The following SEMA3A variants were observed in gnomAD, a reference collection of about 807,000 sequenced individuals.
SEMA3A encodes the protein semaphorin 3A.
A neutral mutation model predicts 97.9 loss-of-function variants in SEMA3A; 29 were observed. That is an observed-to-expected ratio of 0.30 (90% CI 0.22 to 0.40). SEMA3A has a LOEUF of 0.40. Among genes scored for constraint, SEMA3A ranks in the 10% least tolerant of loss-of-function variants. SEMA3A has a pLI of 1.00. For missense variants in SEMA3A, 763 were observed against 951.3 expected (o/e 0.80, Z 2.60); for synonymous variants, 321 against 323.7 (o/e 0.99, Z 0.09).
At chr7:84,147,727 A>G (rs900358813) in intron 1 of SEMA3A, among the ~76,000 whole-genome samples, 3 of 152,222 alleles carry the variant, frequency 2.0e-5, no homozygotes, top group African/African-American at 7.2e-5. Flanking sequence ...GCAATAGTGC[A>G]TATGGGTTAG....
intron 15 of SEMA3A, among the ~76,000 whole-genome samples, chr7:83,973,091 C>A (rs1329562109): frequency 6.6e-6 from 1 of 152,096 alleles, no homozygotes; most frequent in Non-Finnish European, 1.5e-5. Flanking sequence ...TTACTTCTGA[C>A]AGATATGTGG....
intron 1 of SEMA3A, among the ~76,000 whole-genome samples, chr7:84,385,231 C>G (rs1803368281): frequency 6.6e-6 from 1 of 152,124 alleles, no homozygotes; most frequent in Non-Finnish European, 1.5e-5. Context: ...GGGTGCTGAG[C>G]TGATGAGGAG....
At chr7:84,313,356 G>GTATATATATATATATATA (rs869145201) in intron 2 of SEMA3A, among the ~76,000 whole-genome samples, 1 of 23,062 alleles carries the variant, frequency 4.3e-5, no homozygotes, top group Non-Finnish European at 1.0e-4. Flanking sequence ...ATGTGTGTGT[G>GTATATATATATATATATA]TATATATATA....
chr7:83,982,513 T>C (rs1789456429), intron 13 of SEMA3A, among the ~76,000 whole-genome samples: 1 of 152,214 alleles, frequency 6.6e-6, no homozygotes, highest in African/African-American at 2.4e-5. Context: ...TTACTGTTAT[T>C]GGCACCATAG....
chr7:83,965,234 C>T (rs796128487), intron 15 of SEMA3A, among the ~76,000 whole-genome samples: 31 of 151,992 alleles, frequency 2.0e-4, no homozygotes, highest in African/African-American at 7.2e-4. Context: ...CCACCGCGTC[C>T]GGCCCGTTTA....
At chr7:84,487,379 A>C (rs1309225752) in intron 1 of SEMA3A, among the ~76,000 whole-genome samples, 1 of 151,990 alleles carries the variant, frequency 6.6e-6, no homozygotes, top group Non-Finnish European at 1.5e-5. Flanking sequence ...TTCTACTCAG[A>C]CTACCCAGAT....
chr7:84,395,579 G>C (rs1315705260), intron 1 of SEMA3A, among the ~76,000 whole-genome samples: 1 of 148,208 alleles, frequency 6.7e-6, no homozygotes, highest in Non-Finnish European at 1.5e-5. Flanking sequence ...ACCAGGTGGA[G>C]ATAATTGAAT....
At chr7:84,305,691 A>G (rs1173898263) in intron 3 of SEMA3A, among the ~76,000 whole-genome samples, 1 of 151,992 alleles carries the variant, frequency 6.6e-6, no homozygotes, top group Non-Finnish European at 1.5e-5. Flanking sequence ...ACAGATTTTA[A>G]TTAGTACCCA....
intron 1 of SEMA3A, among the ~76,000 whole-genome samples, chr7:84,468,544 C>T (rs1032664907): frequency 3.3e-5 from 5 of 152,144 alleles, no homozygotes; most frequent in African/African-American, 1.2e-4. Context: ...AATGCTCCTT[C>T]TCCTTGTTGT....
chr7:84,294,290 T>A (rs1226365339), intron 3 of SEMA3A, among the ~76,000 whole-genome samples: 1 of 152,046 alleles, frequency 6.6e-6, no homozygotes, highest in Non-Finnish European at 1.5e-5. Context: ...ACTGATTGGC[T>A]TCCCCACTTT....
At chr7:84,326,879 C>T (rs1398864932) in intron 2 of SEMA3A, among the ~76,000 whole-genome samples, 1 of 151,936 alleles carries the variant, frequency 6.6e-6, no homozygotes, top group Non-Finnish European at 1.5e-5. Context: ...TGGAAGACAA[C>T]CTAGGCAATA....
intron 1 of SEMA3A, among the ~76,000 whole-genome samples, chr7:84,449,254 G>C (rs1805501404): frequency 6.6e-6 from 1 of 152,090 alleles, no homozygotes; most frequent in Non-Finnish European, 1.5e-5. Flanking sequence ...GCAGGACTTT[G>C]AATGAAACGT....
intron 1 of SEMA3A, among the ~76,000 whole-genome samples, chr7:84,167,072 A>ACAGGCATATCCCCAAAGTATAGTGCATCT (rs1275597761): frequency 1.7e-4 from 8 of 47,360 alleles, no homozygotes; most frequent in East Asian, 1.7e-3. Flanking sequence ...GTCCTACAAG[A>ACAGGCATATCCCCAAAGTATAGTGCATCT]TGTAGGACTG....
intron 1 of SEMA3A, among the ~76,000 whole-genome samples, chr7:84,390,952 G>A (rs625480): frequency 0.32 from 48,519 of 151,992 alleles, 9,319 homozygotes; most frequent in African/African-American, 0.54. Context: ...CAGTTTGAAA[G>A]CAAAGAGAAA....
intron 2 of SEMA3A, among the ~76,000 whole-genome samples, chr7:84,316,743 C>T (rs1314092360): frequency 6.6e-6 from 1 of 151,936 alleles, no homozygotes; most frequent in Non-Finnish European, 1.5e-5. Flanking sequence ...AAGCTATAAT[C>T]CAGAAGCAGA....
intron 3 of SEMA3A, among the ~76,000 whole-genome samples, chr7:84,263,759 C>A (rs181082851): frequency 6.6e-6 from 1 of 152,064 alleles, no homozygotes; most frequent in Non-Finnish European, 1.5e-5. Context: ...TGTTCTATAT[C>A]GTTACAGTGC....
intron 2 of SEMA3A, among the ~76,000 whole-genome samples, chr7:84,338,642 T>C (rs554444574): frequency 6.6e-6 from 1 of 152,192 alleles, no homozygotes; most frequent in South Asian, 2.1e-4. Flanking sequence ...TAAATGAATA[T>C]AATGGTAGTA....
At chr7:84,010,265 CT>C (rs1330540075) in intron 9 of SEMA3A, among the ~76,000 whole-genome samples, 1 of 152,132 alleles carries the variant, frequency 6.6e-6, no homozygotes, top group Non-Finnish European at 1.5e-5. Flanking sequence ...TTCACACAAT[CT>C]TAGCTAAAAG....
chr7:84,478,953 G>A (rs1806373108), intron 1 of SEMA3A, among the ~76,000 whole-genome samples: 1 of 152,074 alleles, frequency 6.6e-6, no homozygotes, highest in Non-Finnish European at 1.5e-5. Flanking sequence ...ACTTATAAAA[G>A]CATCCTCTAG....
Sources: gnomAD v4.1 joint callset for allele counts (sites outside exome capture counted in the v4.1 genomes callset) on GRCh38, gnomAD v4.1.1 for gene constraint, MANE v1.5 for transcripts, NCBI Gene and HGNC (gene_info 2026-07-23, HGNC 2026-07-21) for gene names.